CCDC171: variants seen among roughly 807,000 people sequenced by gnomAD.
CCDC171 encodes coiled-coil domain-containing protein 171.
CCDC171 carries 177 observed loss-of-function variants against 168.2 expected under a neutral mutation model. The ratio of observed to expected loss-of-function variants is 1.05; its 90% confidence interval spans 0.93 to 1.19. The LOEUF is 1.19. Among genes scored for constraint, CCDC171 ranks in the 50% most tolerant of loss-of-function variants. The probability of loss-of-function intolerance (pLI) is 0.00; values close to 1 mark genes in which losing one functional copy is unlikely to be tolerated. For missense variants in CCDC171, 1,991 were observed against 1,539.0 expected, an observed-to-expected ratio of 1.29 and a Z score of -4.91; for synonymous variants, 687 against 540.8, an observed-to-expected ratio of 1.27 and a Z score of -3.75.
chr9:15,928,252 C>T (rs1194773610), intron 25 of CCDC171, among the ~76,000 whole-genome samples: 2 of 151,708 alleles, frequency 1.3e-5, no homozygotes, highest in East Asian at 3.9e-4. Flanking sequence ...GCTTTCAGAG[C>T]ATATAACTGA....
At chr9:15,621,034 C>T (rs900323442) in intron 6 of CCDC171, among the ~76,000 whole-genome samples, 2 of 152,070 alleles carry the variant, frequency 1.3e-5, no homozygotes, top group African/African-American at 4.8e-5. Flanking sequence ...GGCGTGATCT[C>T]GACTCACTGC....
intron 20 of CCDC171, among the ~76,000 whole-genome samples, chr9:15,780,548 A>C (rs1259000092): frequency 6.6e-6 from 1 of 152,164 alleles, no homozygotes; most frequent in Non-Finnish European, 1.5e-5. Context: ...TTTAAAAACG[A>C]GGAAAGTTAA....
chr9:15,904,682 A>G (rs911839459), intron 24 of CCDC171, among the ~76,000 whole-genome samples: 12 of 152,284 alleles, frequency 7.9e-5, no homozygotes, highest in African/African-American at 2.2e-4. Flanking sequence ...TATTAACCTT[A>G]AATGTAAATG....
chr9:15,823,586 A>T, intron 21 of CCDC171, among the ~76,000 whole-genome samples: 1 of 152,110 alleles, frequency 6.6e-6, no homozygotes, highest in East Asian at 1.9e-4. Flanking sequence ...ACATTGTATA[A>T]ACGAAGAAAG....
chr9:15,938,843 C>T (rs1280069195), intron 25 of CCDC171, among the ~76,000 whole-genome samples: 2 of 151,738 alleles, frequency 1.3e-5, no homozygotes, highest in African/African-American at 4.8e-5. Context: ...TAGTCTCTAC[C>T]ACTTTATTTT....
intron 1 of CCDC171, 24 bp downstream of exon 1, chr9:15,553,326 C>A (rs926611557): frequency 2.0e-5 from 3 of 152,330 alleles, no homozygotes; most frequent in Non-Finnish European, 2.9e-5. Context: ...GTGGGGGCTT[C>A]GAGGCGGACG....
intron 25 of CCDC171, among the ~76,000 whole-genome samples, chr9:15,927,408 G>A (rs1457073375): frequency 6.6e-6 from 1 of 151,688 alleles, no homozygotes; most frequent in African/African-American, 2.4e-5. Flanking sequence ...CACACCCACA[G>A]CTATGGAGAA....
chr9:15,994,913 A>T (rs536507285), intron 3 of CCDC171, among the ~76,000 whole-genome samples: 1 of 152,332 alleles, frequency 6.6e-6, no homozygotes, highest in African/African-American at 2.4e-5. Flanking sequence ...GAGGTCAGAC[A>T]TAATTTTTCT....
At chr9:16,087,095 CTG>C in the CCDC171 span, among the ~76,000 whole-genome samples, 1 of 152,174 alleles carries the variant, frequency 6.6e-6, no homozygotes, top group Non-Finnish European at 1.5e-5. Flanking sequence ...GTCTGAGAGA[CTG>C]TTTGTTACAA....
chr9:15,844,195 T>C (rs548709080), intron 21 of CCDC171, among the ~76,000 whole-genome samples: 1 of 152,070 alleles, frequency 6.6e-6, no homozygotes, highest in Non-Finnish European at 1.5e-5. Flanking sequence ...GTTGGAAATA[T>C]TAGAGTCCAT....
At chr9:16,037,750 C>T (rs1427628795) in intron 8 of CCDC171, among the ~76,000 whole-genome samples, 1 of 151,854 alleles carries the variant, frequency 6.6e-6, no homozygotes, top group Non-Finnish European at 1.5e-5. Context: ...AAGTAGTAAA[C>T]TGGAAGAGAT....
chr9:15,866,089 A>G (rs1462595352), intron 23 of CCDC171, among the ~76,000 whole-genome samples: 1 of 151,966 alleles, frequency 6.6e-6, no homozygotes, highest in African/African-American at 2.4e-5. Context: ...TTAAATGCAA[A>G]AAGAGTAAAA....
At chr9:15,910,546 A>G (rs1353175331) in intron 24 of CCDC171, among the ~76,000 whole-genome samples, 2 of 151,908 alleles carry the variant, frequency 1.3e-5, no homozygotes. Context: ...TTTGGCTATT[A>G]GGGCTCTTTT....
intron 11 of CCDC171, among the ~76,000 whole-genome samples, chr9:15,720,898 C>G (rs557373458): frequency 6.6e-6 from 1 of 152,230 alleles, no homozygotes; most frequent in South Asian, 2.1e-4. Context: ...GTCAAGTGTT[C>G]TCATTGTTCA....
intron 2 of CCDC171, among the ~76,000 whole-genome samples, chr9:15,568,366 G>A (rs2039926518): frequency 6.6e-6 from 1 of 151,730 alleles, no homozygotes; most frequent in African/African-American, 2.4e-5. Flanking sequence ...CGCCTCCCGG[G>A]CTTAGGCCAT....
chr9:16,022,127 G>T (rs989789889), intron 4 of CCDC171, among the ~76,000 whole-genome samples: 1 of 152,176 alleles, frequency 6.6e-6, no homozygotes, highest in East Asian at 1.9e-4. Flanking sequence ...TTGGCAGGAG[G>T]TGATGGCTAC....
rs531961452 is a variant in CCDC171 at position 15,645,915 on chromosome 9, C to T, written c.823-11212C>T. ...CAGAGAACGCCACAAAGATACTCCT[C>T]GAGAAGAGCAATTCCAAGACACATA... On this transcript the variant is annotated intron_variant, in intron 7 of 25. Coordinates refer to ENST00000380701, the MANE Select transcript of CCDC171 (RefSeq NM_173550.4). Among the ~76,000 whole-genome samples, 40 of 152,186 alleles carry T rather than the reference C, an allele frequency of 2.6e-4. No individual in the cohort carries two copies. The East Asian group carries it at 6.2e-3, about 24-fold the overall frequency.
intron 25 of CCDC171, among the ~76,000 whole-genome samples, chr9:15,927,762 T>G (rs1358528923): frequency 6.6e-6 from 1 of 151,680 alleles, no homozygotes; most frequent in African/African-American, 2.4e-5. Flanking sequence ...AGTTCCAAAA[T>G]AGCATTTCAC....
intron 18 of CCDC171, among the ~76,000 whole-genome samples, chr9:15,763,918 C>G (rs751981837): frequency 4.0e-5 from 6 of 151,848 alleles, no homozygotes; most frequent in African/African-American, 1.5e-4. Context: ...TTATTTCCTT[C>G]GAGTAGGTAC....
Sources: allele counts gnomAD v4.1 joint callset (sites outside exome capture counted in the v4.1 genomes callset), GRCh38; gene constraint gnomAD v4.1.1; transcripts MANE v1.5; gene names NCBI Gene and HGNC (gene_info 2026-07-23, HGNC 2026-07-21).